Variants in PRX observed in about 807,000 individuals in gnomAD.
PRX encodes periaxin.
Under a neutral mutation model 29.6 loss-of-function variants are expected in PRX, and 24 were observed. That is an observed-to-expected ratio of 0.81 (90% confidence interval 0.59 to 1.14). The LOEUF is 1.14. PRX is among the 50% of genes most tolerant of loss of function. PRX has a pLI of 0.00. For synonymous variants in PRX, 772 were observed against 831.7 expected (o/e 0.93, Z 1.24); for missense variants, 1,838 against 1,926.4 (o/e 0.95, Z 0.86).
At chr19:40,399,857 T>C (rs569836283) in intron 5 of PRX, among the ~76,000 whole-genome samples, 5 of 59,360 alleles carry the variant, frequency 8.4e-5, no homozygotes, top group Non-Finnish European at 1.4e-4. Context: ...TTTCCTTTCT[T>C]TCTTTCTTTC....
At chr19:40,401,287 T>A (rs565141337) in intron 5 of PRX, among the ~76,000 whole-genome samples, 1 of 152,020 alleles carries the variant, frequency 6.6e-6, no homozygotes, top group Admixed American at 6.5e-5. Flanking sequence ...TATTCTACTG[T>A]TTGTTGTTGT....
At chr19:40,413,558 C>A (rs994450824), upstream of PRX, among the ~76,000 whole-genome samples, 4 of 152,250 alleles carry the variant, frequency 2.6e-5, no homozygotes, top group African/African-American at 7.2e-5. Context: ...AGCCACCAGC[C>A]GCCTCTCTCT....
In PRX at chr19:40,396,653, C is replaced by G. The variant is rs757797949; in HGVS notation, c.1699G>C (p.Val567Leu). The change falls in exon 7 of 7, where the codon GTG (valine) becomes CTG (leucine). Residue 567 changes from valine (V) to leucine (L), a missense_variant. Physicochemically the swap from Val to Leu is conservative, Grantham distance 32. This residue lies in a region of PRX where 1,143 missense variants were observed against 1,193.0 expected (regional missense o/e 0.96). Transcript: ENST00000324001. ...PEVSEVAVPE[V>L]RLPEVQLPKV... ...GGCAGCTGCACCTCTGGAAGCCGCA[C>G]CTCTGGCACAGCCACCTCTGACACC... 10 of 1,613,984 alleles carry G rather than the reference C, an allele frequency of 6.2e-6. No individual in the cohort carries two copies. The African/African-American group carries it at 9.3e-5, about 15-fold the overall frequency.
Position 40,396,525 on chromosome 19 carries a change from G to C in PRX, c.1827C>G (p.Pro609=). The C allele has an allele frequency of 1.2e-6, 2 of 1,610,696 alleles. No individual in the cohort carries two copies. The highest frequency in any genetic ancestry group is 1.7e-6 in the Non-Finnish European group (2 of 1,179,064). The change falls in exon 7 of 7, where the codon CCC becomes CCG. Residue 609 remains proline, a synonymous_variant. Transcript: ENST00000324001. ...KLPEVQLPKV[P]EMAVPDVHLP... ...GGTGCACATCGGGCACGGCCATCTC[G>C]GGCACCTTCGGGAGTTGCACTTCAG...
At chr19:40,403,954 T>C (rs1477764098) in intron 4 of PRX, 92 bp from the exon 5 acceptor site, 3 of 1,353,270 alleles carry the variant, frequency 2.2e-6, no homozygotes, top group African/African-American at 2.9e-5. Context: ...CATATACATA[T>C]ATATGTTTAT....
At chr19:40,407,810 T>G (rs773393903) in intron 4 of PRX, 96 bp downstream of exon 4, 130 of 1,530,102 alleles carry the variant, frequency 8.5e-5, no homozygotes, top group Middle Eastern at 1.7e-4. Flanking sequence ...ATGGAGAGAA[T>G]GAGGCACAGA....
Position 40,395,019 on chromosome 19 carries a change from C to T in PRX, c.3333G>A (p.Arg1111=). Residue 1111 remains arginine (R), a synonymous_variant, in exon 7 of 7, where the codon AGG becomes AGA. Transcript: ENST00000324001. Reference sequence around the variant, plus strand: ...CACTGACGGCCACAGCCCCCTCTGCCCTCCCTTCCTCCTGGGCGCCCAGCG... The same window carrying T: ...CACTGACGGCCACAGCCCCCTCTGCTCTCCCTTCCTCCTGGGCGCCCAGCG... The part of the protein sequence containing the change: ...LVTLGAQEEG[R]AEGAVAVSGM... 6.2e-7 allele frequency: 1 copy of T among 1,610,312 alleles called. No individual in the cohort carries two copies. Among genetic ancestry groups the T allele is most frequent in the Non-Finnish European group, 8.5e-7 (1 of 1,179,958 alleles).
Position 40,398,371 on chromosome 19 carries a change from C to G in PRX, c.381+249G>C. Reference sequence around the variant, plus strand: ...TTCGAAGTAGCCTGGTTCAGGACCCCTAGCAAGCCTGGATCCGATGGTGGG... The same window carrying G: ...TTCGAAGTAGCCTGGTTCAGGACCCGTAGCAAGCCTGGATCCGATGGTGGG... On this transcript the variant is annotated intron_variant, in intron 6 of 6. Coordinates refer to ENST00000324001, the MANE Select transcript of PRX (RefSeq NM_181882.3). The surrounding 1 kb of genome is among the most constrained non-coding windows in gnomAD (Gnocchi z 6.3). The G allele has an allele frequency of 7.0e-7, 1 of 1,437,846 alleles. No homozygotes were observed. Among genetic ancestry groups the G allele is most frequent in the Non-Finnish European group, 9.1e-7 (1 of 1,101,282 alleles). The allele number at this position is 1,437,846 out of a possible 1,614,324, so 89.1% of individuals were successfully genotyped here.
In PRX at chr19:40,394,232, C is replaced by A; in HGVS notation, c.4120G>T (p.Val1374Phe). 1.2e-6 allele frequency: 2 copies of A among 1,604,538 alleles called. No homozygotes were observed. Among genetic ancestry groups the A allele is most frequent in the South Asian group, 1.1e-5 (1 of 90,442 alleles). ...CCTACACGTGGCAAGCGGACCCGGA[C>A]CCGGCCCCGGCGACCCGAGGCCCCT... is the stretch of plus-strand genomic sequence containing the variant. ...GEGASGRRGRVRVRLPRVGLA... is the reference protein window; with the variant it reads ...GEGASGRRGRFRVRLPRVGLA... The change falls in exon 7 of 7, where the codon GTC (valine) becomes TTC (phenylalanine). Residue 1374 changes from valine (V) to phenylalanine (F), a missense_variant. Physicochemically the swap from Val to Phe is conservative, Grantham distance 50. Coordinates refer to ENST00000324001, the MANE Select transcript of PRX (RefSeq NM_181882.3). This position sits in a 1 kb window ranked among gnomAD's most constrained non-coding sequence, Gnocchi z 5.8.
At position 40,396,193 on chromosome 19, in the gene PRX, G is replaced by A. The variant is rs1397476507; in HGVS notation, c.2159C>T (p.Pro720Leu). Residue 720 changes from proline to leucine, a missense_variant, in exon 7 of 7, where the codon CCT (proline) becomes CTT (leucine). This residue lies in a region of PRX where 1,143 missense variants were observed against 1,193.0 expected (regional missense o/e 0.96). Transcript: ENST00000324001. ...TTTTATCTCTGGGAGCTTCATGTCAGGGACTTTCATTTCACAGACTTTGGG... is the reference window on the plus strand; with the variant it reads ...TTTTATCTCTGGGAGCTTCATGTCAAGGACTTTCATTTCACAGACTTTGGG... ...QLPKVCEMKV[P>L]DMKLPEIKLP... 1.9e-6 allele frequency: 3 copies of A among 1,611,296 alleles called. No homozygotes were observed. In the African/African-American group the frequency reaches 4.1e-5, roughly 22 times the overall value.
At chr19:40,407,822 A>T in intron 4 of PRX, 84 bp downstream of exon 4, 1 of 1,576,438 alleles carries the variant, frequency 6.3e-7, no homozygotes, top group Admixed American at 1.7e-5. Flanking sequence ...AGGCACAGAG[A>T]GGCCAGAAAG....
At position 40,397,558 on chromosome 19, in the gene PRX, C is replaced by A. The variant is rs374837022; in HGVS notation, c.794G>T (p.Gly265Val). Residue 265 changes from glycine to valine, a missense_variant, in exon 7 of 7, where the codon GGC becomes GTC. By Grantham distance (109) the Gly-to-Val change is moderately radical (BLOSUM62 -3). Transcript: ENST00000324001. ...KAAPSAEAAG[G>V]FALHLPTLGL... is the part of the protein sequence containing the mutation. The stretch of plus-strand genomic sequence containing the variant: ...AAGGGTTGGCAGGTGGAGGGCAAAG[C>A]CACCAGCTGCCTCTGCTGAGGGGGC... 125 of 1,540,296 alleles carry A rather than the reference C, an allele frequency of 8.1e-5. No homozygotes were observed. In the East Asian group the frequency reaches 1.7e-3, roughly 21 times the overall value.
chr19:40,399,911 TTC>T (rs2079481300), intron 5 of PRX, among the ~76,000 whole-genome samples: 2 of 119,090 alleles, frequency 1.7e-5, no homozygotes, highest in African/African-American at 3.4e-5. Context: ...TTCTTTTTCT[TTC>T]TTTCTTTCTT....
At chr19:40,407,133 G>A (rs1240310901) in intron 4 of PRX, among the ~76,000 whole-genome samples, 1 of 151,660 alleles carries the variant, frequency 6.6e-6, no homozygotes, top group Non-Finnish European at 1.5e-5. Flanking sequence ...TCTGCCCAGG[G>A]CCACACAGCT....
chr19:40,397,978 G>A lies in PRX; in HGVS notation c.382-8C>T. On this transcript the variant is annotated splice_region_variant and splice_polypyrimidine_tract_variant and intron_variant, in intron 6 of 6. Transcript: ENST00000324001. ...GGACAGACTCTGGATGTTCTGGGGA[G>A]AGAGGAGAGAGGCAGGAGGCGGTGG... is the stretch of plus-strand genomic sequence containing the variant. The A allele has an allele frequency of 6.2e-7, 1 of 1,604,786 alleles. No individual in the cohort carries two copies. The highest frequency in any genetic ancestry group is 1.3e-5 in the African/African-American group (1 of 74,968).
At position 40,395,057 on chromosome 19, in the gene PRX, C is replaced by T. The variant is rs2079418680; in HGVS notation, c.3295G>A (p.Val1099Met). Residue 1099 changes from valine (V) to methionine (M), a missense_variant, in exon 7 of 7, where the codon GTG (valine) becomes ATG (methionine). This residue lies in a region of PRX where 1,143 missense variants were observed against 1,193.0 expected (regional missense o/e 0.96). Transcript: ENST00000324001. ...STAVQLKIPE[V>M]ELVTLGAQEE... ...TGGGCGCCCAGCGTGACCAGCTCCA[C>T]CTCGGGGATCTTAAGCTGCACAGCG... 6.2e-7 allele frequency: 1 copy of T among 1,612,566 alleles called. No individual in the cohort carries two copies. Among genetic ancestry groups the T allele is most frequent in the South Asian group, 1.1e-5 (1 of 91,090 alleles).
chr19:40,411,403 C>T (rs1176402311), intron 1 of PRX, among the ~76,000 whole-genome samples: 1 of 152,156 alleles, frequency 6.6e-6, no homozygotes, highest in Non-Finnish European at 1.5e-5. Context: ...AGTTCCCTTA[C>T]CCAGGACTGA....
At position 40,397,071 on chromosome 19, in the gene PRX, G is replaced by C; in HGVS notation, c.1281C>G (p.Ile427Met). The C allele has an allele frequency of 1.2e-6, 2 of 1,614,056 alleles. No individual in the cohort carries two copies. Among genetic ancestry groups the C allele is most frequent in the Non-Finnish European group, 1.7e-6 (2 of 1,180,016 alleles). ...CCTTGACCTCGGGCCCTGACACTCC[G>C]ATGCCAAGGGAGGGCATCTTGATGG... ...LPTIKMPSLG[I>M]GVSGPEVKVP... Residue 427 changes from isoleucine (I) to methionine (M), a missense_variant, in exon 7 of 7, where the codon ATC (isoleucine) becomes ATG (methionine). Ile to Met is a conservative substitution (Grantham distance 10). Transcript: ENST00000324001.
In PRX at chr19:40,397,892, CAG is replaced by C. The variant is rs750695274; in HGVS notation, c.458_459del (p.Pro153ArgfsTer2). The C allele has an allele frequency of 3.7e-6, 6 of 1,612,028 alleles. No homozygotes were observed. The South Asian group carries it at 5.5e-5, about 15-fold the overall frequency. On this transcript the variant is annotated frameshift_variant, in exon 7 of 7. Coordinates refer to ENST00000324001, the MANE Select transcript of PRX (RefSeq NM_181882.3). LOFTEE classifies it low-confidence loss of function (END_TRUNC). Reference protein sequence around the residue: ...GALGVPADLAPVDVEFSFPKF... With the variant: ...GALGVPADLAXVDVEFSFPKF... ...TTGGGAAAGGAGAACTCGACGTCAA[CAG>C]GGGCCAGGTCAGCGGGGACCCCCAG... is the stretch of plus-strand genomic sequence containing the variant.
Sources: gnomAD v4.1 joint callset for allele counts (sites outside exome capture counted in the v4.1 genomes callset) on GRCh38, gnomAD v4.1.1 for gene constraint, gnomAD v4.1.1 regional missense constraint, Gnocchi (gnomAD v3.1) non-coding constraint, MANE v1.5 for transcripts, NCBI Gene and HGNC (gene_info 2026-07-23, HGNC 2026-07-21) for gene names.